CNTNAP2: variants seen among roughly 807,000 people sequenced by gnomAD.
The protein encoded by CNTNAP2 is contactin associated protein 2, also known as contactin-associated protein-like 2.
In CNTNAP2, 98 loss-of-function variants were observed where a neutral mutation model predicts 155.2. The observed-to-expected ratio is 0.63, with a 90% confidence interval of 0.54 to 0.75. CNTNAP2 has a LOEUF of 0.75. Ranked by LOEUF, CNTNAP2 falls within the 30% of genes least tolerant of loss-of-function variation. CNTNAP2 has a pLI of 0.00. For synonymous variants in CNTNAP2, 651 were observed against 631.2 expected, an observed-to-expected ratio of 1.03 and a Z score of -0.47; for missense variants, 1,727 against 1,688.1, an observed-to-expected ratio of 1.02 and a Z score of -0.40.
intron 9 of CNTNAP2, among the ~76,000 whole-genome samples, chr7:147,338,182 A>G (rs1258584199): frequency 1.3e-5 from 2 of 152,140 alleles, no homozygotes; most frequent in African/African-American, 4.8e-5. Context: ...CACAGAGTGG[A>G]AGGAGAGAGA....
intron 1 of CNTNAP2, among the ~76,000 whole-genome samples, chr7:146,768,027 A>T (rs986599774): frequency 6.6e-6 from 1 of 152,196 alleles, no homozygotes; most frequent in Admixed American, 6.5e-5. Context: ...ATTATTATAA[A>T]AATTGGAAGA....
intron 10 of CNTNAP2, among the ~76,000 whole-genome samples, chr7:147,485,257 A>G (rs1528520): frequency 0.16 from 24,908 of 152,154 alleles, 2,667 homozygotes; most frequent in Non-Finnish European, 0.24. Context: ...GAATTATCCT[A>G]TTTTTCAAAG....
chr7:147,241,064 T>A (rs141454661), intron 8 of CNTNAP2, among the ~76,000 whole-genome samples: 15 of 152,338 alleles, frequency 9.8e-5, no homozygotes, highest in African/African-American at 3.6e-4. Context: ...GTAGAGCATC[T>A]GTACTTAAAA....
At chr7:146,784,798 C>T (rs564020409) in intron 2 of CNTNAP2, among the ~76,000 whole-genome samples, 51 of 152,234 alleles carry the variant, frequency 3.4e-4, no homozygotes, top group African/African-American at 1.2e-3. Context: ...GTCTGGACCA[C>T]ACCTCCCTCT....
At chr7:147,502,798 TTTTA>T (rs140866412) in intron 11 of CNTNAP2, among the ~76,000 whole-genome samples, 48,032 of 151,114 alleles carry the variant, frequency 0.32, 7,830 homozygotes, top group East Asian at 0.43. Context: ...ATATATACAA[TTTTA>T]TTTGTCATGT....
At chr7:146,700,316 G>C (rs1800854282) in intron 1 of CNTNAP2, among the ~76,000 whole-genome samples, 1 of 152,054 alleles carries the variant, frequency 6.6e-6, no homozygotes, top group Non-Finnish European at 1.5e-5. Context: ...CTGTGATCCT[G>C]ATTATCTGAA....
intron 9 of CNTNAP2, among the ~76,000 whole-genome samples, chr7:147,327,568 AT>A (rs1284312994): frequency 2.0e-5 from 3 of 152,204 alleles, no homozygotes; most frequent in Non-Finnish European, 4.4e-5. Flanking sequence ...GATTAGCTAC[AT>A]TTTAGAAACC....
At chr7:148,363,306 T>G (rs879270886) in intron 21 of CNTNAP2, among the ~76,000 whole-genome samples, 3 of 152,240 alleles carry the variant, frequency 2.0e-5, no homozygotes, top group Non-Finnish European at 4.4e-5. Context: ...ATAAAATAGG[T>G]TTTGCATTAG....
intron 21 of CNTNAP2, among the ~76,000 whole-genome samples, chr7:148,317,649 T>C (rs112484351): frequency 1.1e-3 from 162 of 152,264 alleles, no homozygotes; most frequent in African/African-American, 3.8e-3. Context: ...CCTCCTAGAG[T>C]TCACAGCACA....
intron 8 of CNTNAP2, chr7:147,167,318 G>C (rs1047633405): frequency 2.3e-5 from 11 of 480,064 alleles, no homozygotes; most frequent in Admixed American, 4.1e-5. Flanking sequence ...TGACAAGATG[G>C]TGCTATTATA....
chr7:147,590,402 A>G (rs1442642318), intron 12 of CNTNAP2, among the ~76,000 whole-genome samples: 1 of 152,070 alleles, frequency 6.6e-6, no homozygotes, highest in East Asian at 1.9e-4. Flanking sequence ...TGTGACAGTG[A>G]GTTCTCACAA....
chr7:147,376,740 C>T (rs1226493325), intron 9 of CNTNAP2, among the ~76,000 whole-genome samples: 1 of 151,796 alleles, frequency 6.6e-6, no homozygotes. Context: ...TAAGAAAAAA[C>T]ATGATGCACA....
intron 8 of CNTNAP2, among the ~76,000 whole-genome samples, chr7:147,147,717 A>G (rs989934736): frequency 6.6e-6 from 1 of 152,100 alleles, no homozygotes; most frequent in Non-Finnish European, 1.5e-5. Flanking sequence ...TTTGCTACTG[A>G]TAACACCTGA....
At chr7:147,968,858 A>T (rs1442045988) in intron 14 of CNTNAP2, among the ~76,000 whole-genome samples, 1 of 152,220 alleles carries the variant, frequency 6.6e-6, no homozygotes, top group African/African-American at 2.4e-5. Flanking sequence ...TTTATTAGCA[A>T]TTCTCAAATT....
At chr7:146,966,882 G>A (rs1797668490) in intron 3 of CNTNAP2, among the ~76,000 whole-genome samples, 2 of 152,286 alleles carry the variant, frequency 1.3e-5, no homozygotes, top group East Asian at 1.9e-4. Context: ...GTATTTAATA[G>A]ATAATTTTTA....
chr7:147,132,035 C>T (rs1330734536), intron 7 of CNTNAP2, among the ~76,000 whole-genome samples: 1 of 152,090 alleles, frequency 6.6e-6, no homozygotes, highest in Non-Finnish European at 1.5e-5. Context: ...AGTTAGACAG[C>T]CAACTGCTGC....
At chr7:148,230,111 T>C (rs528581254) in intron 20 of CNTNAP2, among the ~76,000 whole-genome samples, 6 of 152,360 alleles carry the variant, frequency 3.9e-5, no homozygotes, top group African/African-American at 1.4e-4. Context: ...CTCAGACATC[T>C]GAAACTTACC....
At chr7:147,867,923 T>C (rs1345278935) in intron 13 of CNTNAP2, among the ~76,000 whole-genome samples, 1 of 152,176 alleles carries the variant, frequency 6.6e-6, no homozygotes, top group Non-Finnish European at 1.5e-5. Context: ...AGTTTGTTAT[T>C]ATCAACCTTC....
chr7:148,320,093 C>T (rs1236560638), intron 21 of CNTNAP2, among the ~76,000 whole-genome samples: 1 of 152,060 alleles, frequency 6.6e-6, no homozygotes, highest in East Asian at 1.9e-4. Flanking sequence ...CTTAATTCCC[C>T]AACTTCTGCC....
Sources: allele counts gnomAD v4.1 joint callset (sites outside exome capture counted in the v4.1 genomes callset), GRCh38; gene constraint gnomAD v4.1.1; transcripts MANE v1.5; gene names NCBI Gene and HGNC (gene_info 2026-07-23, HGNC 2026-07-21).